Variants in INPP4B observed in about 807,000 individuals in gnomAD.
The protein encoded by INPP4B is inositol polyphosphate-4-phosphatase type II B.
Under a neutral mutation model 122.5 loss-of-function variants are expected in INPP4B, and 55 were observed. The ratio of observed to expected loss-of-function variants is 0.45; its 90% CI spans 0.36 to 0.56. INPP4B has a LOEUF of 0.56. Ranked by LOEUF, INPP4B falls within the 20% of genes least tolerant of loss-of-function variation. The pLI, the probability that INPP4B is intolerant of heterozygous loss-of-function variation, is 0.00. For synonymous variants in INPP4B, 403 were observed against 388.7 expected, an observed-to-expected ratio of 1.04 and a Z score of -0.43; for missense variants, 1,000 against 1,097.7, an observed-to-expected ratio of 0.91 and a Z score of 1.26.
chr4:142,053,787 G>A (rs1479955434), intron 25 of INPP4B, among the ~76,000 whole-genome samples: 8 of 152,038 alleles, frequency 5.3e-5, no homozygotes, highest in Non-Finnish European at 4.4e-5. Context: ...CCCGATTCAG[G>A]TATTCCTTGA....
chr4:142,105,918 A>T (rs1786844864), intron 23 of INPP4B, among the ~76,000 whole-genome samples: 1 of 152,186 alleles, frequency 6.6e-6, no homozygotes, highest in Non-Finnish European at 1.5e-5. Context: ...TCATACTCTT[A>T]TAAAAGCTTT....
chr4:142,648,934 C>A (rs758165716), intron 2 of INPP4B, among the ~76,000 whole-genome samples: 15 of 152,168 alleles, frequency 9.9e-5, no homozygotes, highest in Non-Finnish European at 1.9e-4. Flanking sequence ...TGGGGAGATA[C>A]CTCCCAGTAG....
intron 9 of INPP4B, among the ~76,000 whole-genome samples, chr4:142,290,348 T>C (rs1387316466): frequency 6.6e-6 from 1 of 151,580 alleles, no homozygotes; most frequent in East Asian, 1.9e-4. Context: ...CTGGGATTAC[T>C]AGCACCTGCC....
intron 1 of INPP4B, among the ~76,000 whole-genome samples, chr4:142,790,182 A>T (rs528085113): frequency 6.6e-6 from 1 of 152,310 alleles, no homozygotes; most frequent in Admixed American, 6.5e-5. Flanking sequence ...CAACAATTTC[A>T]TGACCAAGAA....
chr4:142,188,698 A>G (rs1336720490), intron 15 of INPP4B, among the ~76,000 whole-genome samples: 9 of 151,732 alleles, frequency 5.9e-5, no homozygotes, highest in African/African-American at 2.2e-4. Flanking sequence ...CCCCAATCAA[A>G]TAATATGATC....
At chr4:142,449,351 C>T (rs559228390) in intron 3 of INPP4B, among the ~76,000 whole-genome samples, 3 of 152,226 alleles carry the variant, frequency 2.0e-5, no homozygotes, top group African/African-American at 7.2e-5. Context: ...ATCTGTATTA[C>T]CCAGAAGCTT....
intron 5 of INPP4B, among the ~76,000 whole-genome samples, chr4:142,415,451 T>TGA (rs200451380): frequency 0.044 from 6,648 of 151,802 alleles, 189 homozygotes; most frequent in Non-Finnish European, 0.067. Context: ...AAAACCACAA[T>TGA]GATACCATCT....
At chr4:142,059,782 C>T (rs1033435293) in intron 25 of INPP4B, among the ~76,000 whole-genome samples, 3 of 152,118 alleles carry the variant, frequency 2.0e-5, no homozygotes, top group South Asian at 2.1e-4. Flanking sequence ...TCCATTCTAC[C>T]GATGGCATAA....
At chr4:142,728,980 T>C (rs1561004962) in intron 1 of INPP4B, among the ~76,000 whole-genome samples, 1 of 152,110 alleles carries the variant, frequency 6.6e-6, no homozygotes, top group Non-Finnish European at 1.5e-5. Context: ...ATTTAATTGG[T>C]AGTCCTCAAA....
At chr4:142,531,915 A>G (rs1034289295) in intron 2 of INPP4B, among the ~76,000 whole-genome samples, 2 of 152,102 alleles carry the variant, frequency 1.3e-5, no homozygotes, top group Non-Finnish European at 2.9e-5. Flanking sequence ...AACATTATTG[A>G]TTTACTTTTT....
intron 1 of INPP4B, among the ~76,000 whole-genome samples, chr4:142,762,278 A>G (rs1312076883): frequency 6.6e-6 from 1 of 152,156 alleles, no homozygotes; most frequent in African/African-American, 2.4e-5. Context: ...ATAGAAAGCC[A>G]TCACCACACC....
intron 7 of INPP4B, among the ~76,000 whole-genome samples, chr4:142,334,578 C>T (rs1011474488): frequency 1.3e-5 from 2 of 152,148 alleles, no homozygotes; most frequent in African/African-American, 4.8e-5. Flanking sequence ...TAAGAGTACA[C>T]AGGGTTCCCT....
rs1271980916 is a variant in INPP4B, at chr4:142,208,521, A to G, written c.976T>C (p.Phe326Leu). The G allele has an allele frequency of 6.3e-7, 1 of 1,577,638 alleles. No homozygotes were observed. Among genetic ancestry groups the G allele is most frequent in the Non-Finnish European group, 8.7e-7 (1 of 1,156,034 alleles). ...TCTCCTTTGCTGCTGCTTGATTTGA[A>G]AGAGGACCCTGATGGAAACCAGAAA... ...TELSKETGSS[F>L]KSSSSKGEKT... Residue 326 changes from phenylalanine to leucine, a missense_variant, in exon 14 of 26, where the codon TTC (phenylalanine) becomes CTC (leucine). By Grantham distance (22) the Phe-to-Leu change is conservative (BLOSUM62 0). Coordinates refer to ENST00000262992, the MANE Select transcript of INPP4B (RefSeq NM_001101669.3).
At chr4:142,451,246 G>GTTTTTTTTTTT (rs758479962) in intron 3 of INPP4B, among the ~76,000 whole-genome samples, 1 of 97,734 alleles carries the variant, frequency 1.0e-5, no homozygotes, top group Non-Finnish European at 2.0e-5. Context: ...TGTTGCTGTT[G>GTTTTTTTTTTT]TTTTTTTTTT....
At chr4:142,815,586 A>G (rs1780023174) in intron 1 of INPP4B, among the ~76,000 whole-genome samples, 1 of 152,150 alleles carries the variant, frequency 6.6e-6, no homozygotes, top group Non-Finnish European at 1.5e-5. Flanking sequence ...GCTGTGATGA[A>G]AAAATCAAAT....
At chr4:142,283,350 G>C (rs1023016752) in intron 9 of INPP4B, among the ~76,000 whole-genome samples, 9 of 152,088 alleles carry the variant, frequency 5.9e-5, no homozygotes, top group African/African-American at 2.2e-4. Context: ...CACTTATTTA[G>C]TGTTCAATTA....
At chr4:142,625,113 T>G (rs1372918150) in intron 2 of INPP4B, among the ~76,000 whole-genome samples, 1 of 150,266 alleles carries the variant, frequency 6.7e-6, no homozygotes, top group Non-Finnish European at 1.5e-5. Flanking sequence ...TTCAACATAG[T>G]GTTGGAAGTT....
chr4:142,646,201 T>C (rs993284472), intron 2 of INPP4B, among the ~76,000 whole-genome samples: 44 of 152,156 alleles, frequency 2.9e-4, no homozygotes, highest in African/African-American at 9.9e-4. Flanking sequence ...TGTATGTAAA[T>C]TATATCTCAA....
chr4:142,658,751 G>C (rs1045617488), intron 2 of INPP4B, among the ~76,000 whole-genome samples: 6 of 152,112 alleles, frequency 3.9e-5, no homozygotes, highest in African/African-American at 1.4e-4. Context: ...GCCAATAAAA[G>C]CCCAGTGGGG....
Sources: gnomAD v4.1 joint callset for allele counts (sites outside exome capture counted in the v4.1 genomes callset) on GRCh38, gnomAD v4.1.1 for gene constraint, MANE v1.5 for transcripts, NCBI Gene and HGNC (gene_info 2026-07-23, HGNC 2026-07-21) for gene names.